The following ATP6V0E1 variants were observed in gnomAD, a reference collection of about 807,000 sequenced individuals.
ATP6V0E1 encodes the protein V-type proton ATPase subunit e 1.
In ATP6V0E1, 4 loss-of-function variants were observed where a neutral mutation model predicts 11.6. The ratio of observed to expected loss-of-function variants is 0.35; its 90% CI spans 0.17 to 0.79. The LOEUF (loss-of-function observed/expected upper bound fraction) is 0.79. ATP6V0E1 is among the 30% of genes least tolerant of loss of function. The pLI is 0.54. For synonymous variants in ATP6V0E1, 36 were observed against 34.8 expected, an observed-to-expected ratio of 1.04 and a Z score of -0.13; for missense variants, 105 against 100.0, an observed-to-expected ratio of 1.05 and a Z score of -0.21.
chr5:172,987,194 C>A, intron 1 of ATP6V0E1: 1 of 197,080 alleles, frequency 5.1e-6, no homozygotes, highest in East Asian at 1.4e-4. Flanking sequence ...AGAAATCCGG[C>A]AAAAAATAAG....
intron 1 of ATP6V0E1, chr5:172,987,095 A>C: frequency 4.9e-6 from 1 of 203,852 alleles, no homozygotes; most frequent in Non-Finnish European, 1.0e-5. Context: ...TGGAAGATAC[A>C]TTTTTTAAAC....
At chr5:173,018,690 G>GCT (rs1164176446) in intron 2 of ATP6V0E1, among the ~76,000 whole-genome samples, 2 of 150,758 alleles carry the variant, frequency 1.3e-5, no homozygotes, top group Non-Finnish European at 1.5e-5. Flanking sequence ...TATTATGTAA[G>GCT]CTCTGTGAGG....
intron 2 of ATP6V0E1, among the ~76,000 whole-genome samples, chr5:173,007,746 A>C (rs979703433): frequency 2.0e-5 from 3 of 152,196 alleles, no homozygotes; most frequent in Non-Finnish European, 2.9e-5. Flanking sequence ...CACTAGACAA[A>C]GTATGGTTGA....
At chr5:173,024,197 CAAAAAAA>C (rs56837002) in intron 3 of ATP6V0E1, among the ~76,000 whole-genome samples, 2 of 73,478 alleles carry the variant, frequency 2.7e-5, no homozygotes, top group East Asian at 5.8e-4. Flanking sequence ...GACTCCGTCT[CAAAAAAA>C]AAAAAAAAAA....
chr5:172,986,041 A>G (rs1035224246), intron 1 of ATP6V0E1, among the ~76,000 whole-genome samples: 4 of 152,228 alleles, frequency 2.6e-5, no homozygotes, highest in African/African-American at 9.7e-5. Context: ...AAGGTACAGT[A>G]AAAATACATA....
At chr5:173,032,244 TTTTATTTTA>T (rs1470671825) in intron 3 of ATP6V0E1, among the ~76,000 whole-genome samples, 139 of 15,532 alleles carry the variant, frequency 8.9e-3, no homozygotes, top group African/African-American at 0.039. Flanking sequence ...TTTACTTTTA[TTTTATTTTA>T]TTTATTTATT....
chr5:173,012,038 ATTT>A (rs34022628), intron 2 of ATP6V0E1, among the ~76,000 whole-genome samples: 14 of 138,742 alleles, frequency 1.0e-4, no homozygotes, highest in African/African-American at 3.5e-4. Context: ...TCCTAGGTAA[ATTT>A]TTTTTTTTTT....
At chr5:172,997,592 G>A (rs1291903362) in intron 2 of ATP6V0E1, among the ~76,000 whole-genome samples, 2 of 142,704 alleles carry the variant, frequency 1.4e-5, no homozygotes, top group African/African-American at 2.6e-5. Flanking sequence ...GGCGGATCAC[G>A]AGGTCAGGAG....
intron 1 of ATP6V0E1, among the ~76,000 whole-genome samples, chr5:172,990,463 A>G (rs1025728625): frequency 1.3e-5 from 2 of 152,110 alleles, no homozygotes; most frequent in Non-Finnish European, 2.9e-5. Context: ...CAGTTCAGTC[A>G]ACTCCATTTT....
At chr5:173,026,756 T>C (rs1350424860) in intron 3 of ATP6V0E1, among the ~76,000 whole-genome samples, 3 of 152,210 alleles carry the variant, frequency 2.0e-5, no homozygotes, top group African/African-American at 7.2e-5. Context: ...CCATTTTCTG[T>C]TTTTGCTGAT....
intron 3 of ATP6V0E1, among the ~76,000 whole-genome samples, chr5:173,027,456 C>A (rs1467375842): frequency 6.8e-6 from 1 of 147,294 alleles, no homozygotes; most frequent in African/African-American, 2.5e-5. Flanking sequence ...GAGCCGAGAT[C>A]GTGCCACTGC....
At chr5:173,010,420 G>A (rs1000222706) in intron 2 of ATP6V0E1, among the ~76,000 whole-genome samples, 5 of 152,252 alleles carry the variant, frequency 3.3e-5, no homozygotes, top group Middle Eastern at 6.8e-3. Flanking sequence ...TCTTTAAATT[G>A]TAATACTATA....
At chr5:173,002,694 A>G (rs987516195) in intron 2 of ATP6V0E1, among the ~76,000 whole-genome samples, 1 of 152,216 alleles carries the variant, frequency 6.6e-6, no homozygotes, top group Non-Finnish European at 1.5e-5. Flanking sequence ...GCTAGACTAT[A>G]TCCAAAATAG....
At chr5:172,987,849 G>C (rs535172869) in intron 1 of ATP6V0E1, among the ~76,000 whole-genome samples, 1 of 152,016 alleles carries the variant, frequency 6.6e-6, no homozygotes, top group South Asian at 2.1e-4. Context: ...CACTAGCTAG[G>C]ACATAGGCGT....
At chr5:173,020,969 A>G (rs754853618) in intron 3 of ATP6V0E1, 11 of 516,586 alleles carry the variant, frequency 2.1e-5, no homozygotes, top group East Asian at 5.5e-5. Context: ...GGATGGAGAA[A>G]GGTGCCTGCG....
rs553645901 is a variant in ATP6V0E1 at position 172,991,046 on chromosome 5, T to C, written c.105-3729T>C. 6.6e-5 allele frequency among the ~76,000 whole-genome samples: 10 copies of C among 152,192 alleles called. No homozygotes were observed. In the East Asian group the frequency reaches 1.9e-3, roughly 29 times the overall value. On this transcript the variant is annotated intron_variant, in intron 1 of 3. Transcript: ENST00000519374. Reference sequence around the variant, plus strand: ...ATATCTCACTACAGCCTTGATATCCTGGGCTCTAGTGATCCTCCCGCCTCA... The same window carrying C: ...ATATCTCACTACAGCCTTGATATCCCGGGCTCTAGTGATCCTCCCGCCTCA...
intron 1 of ATP6V0E1, among the ~76,000 whole-genome samples, chr5:172,987,686 AACAC>A (rs1329026780): frequency 1.3e-5 from 2 of 151,896 alleles, no homozygotes; most frequent in South Asian, 2.1e-4. Context: ...AACAAATCAA[AACAC>A]ACACAGACAC....
At chr5:172,991,104 A>G (rs1339170166) in intron 1 of ATP6V0E1, among the ~76,000 whole-genome samples, 3 of 152,050 alleles carry the variant, frequency 2.0e-5, no homozygotes, top group Admixed American at 6.6e-5. Flanking sequence ...TAGGCATGCT[A>G]CTGCATCCAG....
chr5:173,019,026 G>A (rs187770175), intron 2 of ATP6V0E1, among the ~76,000 whole-genome samples: 8 of 152,172 alleles, frequency 5.3e-5, no homozygotes, highest in Admixed American at 2.0e-4. Context: ...TGTAACTATA[G>A]CACTGCAGCC....
Sources: gnomAD v4.1 joint callset for allele counts (sites outside exome capture counted in the v4.1 genomes callset) on GRCh38, gnomAD v4.1.1 for gene constraint, MANE v1.5 for transcripts, NCBI Gene and HGNC (gene_info 2026-07-23, HGNC 2026-07-21) for gene names.